Variants in MRPS28 observed in about 807,000 individuals in gnomAD.
MRPS28 encodes mitochondrial ribosomal protein S28, also known as small ribosomal subunit protein bS1m.
MRPS28 carries 7 observed loss-of-function variants against 10.8 expected under a neutral mutation model. That is an observed-to-expected ratio of 0.65 (90% confidence interval 0.37 to 1.22). MRPS28 has a LOEUF of 1.22. MRPS28 is among the 50% of genes most tolerant of loss of function. The pLI, the probability that MRPS28 is intolerant of heterozygous loss-of-function variation, is 0.02. For missense variants in MRPS28, 265 were observed against 232.9 expected (o/e 1.14, Z -0.90); for synonymous variants, 121 against 93.3 (o/e 1.30, Z -1.71).
In MRPS28 at chr8:79,983,826, T is replaced by C. The variant is rs529862157; in HGVS notation, c.395+19173A>G. 2.0e-5 allele frequency among the ~76,000 whole-genome samples: 3 copies of C among 152,262 alleles called. No individual in the cohort carries two copies. In the South Asian group the frequency reaches 6.2e-4, roughly 32 times the overall value. ...GTGTACCTGAAAGTGACGGGGAGAATGGAACCAAGTTGGAAAACACTCTGC... is the reference window on the plus strand; with the variant it reads ...GTGTACCTGAAAGTGACGGGGAGAACGGAACCAAGTTGGAAAACACTCTGC... On this transcript the variant is annotated intron_variant, in intron 2 of 2. Transcript: ENST00000276585.
At chr8:79,930,269 G>A (rs1370480171) in intron 2 of MRPS28, among the ~76,000 whole-genome samples, 2 of 152,104 alleles carry the variant, frequency 1.3e-5, no homozygotes, top group African/African-American at 4.8e-5. Context: ...CACTTCCCTA[G>A]GTAGGCAAGT....
chr8:79,971,008 T>C (rs913615408), intron 2 of MRPS28, among the ~76,000 whole-genome samples: 6 of 152,170 alleles, frequency 3.9e-5, no homozygotes, highest in Non-Finnish European at 1.5e-5. Flanking sequence ...AAACAAACAA[T>C]GGACTTTCCT....
chr8:79,986,915 G>GA (rs1228044294), intron 2 of MRPS28, among the ~76,000 whole-genome samples: 4 of 152,034 alleles, frequency 2.6e-5, no homozygotes, highest in Non-Finnish European at 5.9e-5. Flanking sequence ...CACAGAATTG[G>GA]AAAAAACTAC....
chr8:79,925,329 T>C (rs1043929268), intron 2 of MRPS28, among the ~76,000 whole-genome samples: 13 of 152,102 alleles, frequency 8.5e-5, no homozygotes, highest in Admixed American at 6.5e-5. Flanking sequence ...AACTGGCCCG[T>C]TGGAAATCTA....
At chr8:79,947,319 C>A (rs141196656) in intron 2 of MRPS28, among the ~76,000 whole-genome samples, 6 of 152,306 alleles carry the variant, frequency 3.9e-5, no homozygotes, top group Non-Finnish European at 8.8e-5. Flanking sequence ...CAATACCATA[C>A]TGTATTGTTA....
intron 2 of MRPS28, among the ~76,000 whole-genome samples, chr8:79,933,248 G>A (rs533270170): frequency 2.9e-4 from 44 of 152,310 alleles, no homozygotes; most frequent in African/African-American, 1.1e-3. Context: ...TTCAATTTCT[G>A]GTGAAGGCTC....
At chr8:80,029,897 C>T (rs895144650) in intron 1 of MRPS28, 139 bp downstream of exon 1, 16 of 1,536,072 alleles carry the variant, frequency 1.0e-5, no homozygotes, top group Non-Finnish European at 1.4e-5. Flanking sequence ...GGCTGAGCCA[C>T]AACGCACCGC....
At chr8:80,006,031 T>G (rs948497060) in intron 1 of MRPS28, among the ~76,000 whole-genome samples, 7 of 152,116 alleles carry the variant, frequency 4.6e-5, no homozygotes, top group African/African-American at 1.4e-4. Context: ...CACATAATAA[T>G]AATGGGAGAC....
chr8:79,929,844 C>A (rs1266321599), intron 2 of MRPS28, among the ~76,000 whole-genome samples: 2 of 152,020 alleles, frequency 1.3e-5, no homozygotes, highest in Admixed American at 1.3e-4. Flanking sequence ...CAAGATCCTT[C>A]CATTTCTAAA....
At chr8:79,995,481 G>T (rs1808476345) in intron 2 of MRPS28, among the ~76,000 whole-genome samples, 2 of 152,090 alleles carry the variant, frequency 1.3e-5, no homozygotes, top group South Asian at 4.1e-4. Context: ...TTTTGCTACT[G>T]CCCCTACTGG....
intron 2 of MRPS28, among the ~76,000 whole-genome samples, chr8:79,993,241 G>C (rs1324454624): frequency 6.6e-6 from 1 of 152,150 alleles, no homozygotes; most frequent in Non-Finnish European, 1.5e-5. Flanking sequence ...TTAATTGCTT[G>C]CATTCCTTAA....
chr8:79,958,536 A>AG (rs1807287756), intron 2 of MRPS28: 1 of 573,824 alleles, frequency 1.7e-6, no homozygotes, highest in Non-Finnish European at 3.1e-6. Flanking sequence ...ATTTTTTAAA[A>AG]GGCATTTATT....
At chr8:79,998,054 CAA>C (rs35716562) in intron 2 of MRPS28, among the ~76,000 whole-genome samples, 9 of 131,026 alleles carry the variant, frequency 6.9e-5, no homozygotes, top group Non-Finnish European at 4.8e-5. Flanking sequence ...GACTCTGTCT[CAA>C]AAAAAAAAAA....
chr8:80,026,474 C>T (rs905866668), intron 1 of MRPS28, among the ~76,000 whole-genome samples: 1 of 152,214 alleles, frequency 6.6e-6, no homozygotes, highest in Non-Finnish European at 1.5e-5. Context: ...AATTCAACGA[C>T]AGGCCAGGTA....
chr8:80,006,711 A>G (rs1808858401), intron 1 of MRPS28, among the ~76,000 whole-genome samples: 1 of 152,240 alleles, frequency 6.6e-6, no homozygotes, highest in Non-Finnish European at 1.5e-5. Flanking sequence ...CCCTCCCAAG[A>G]CTAAACCAGG....
chr8:80,028,801 A>C (rs909919552), intron 1 of MRPS28: 5 of 150,526 alleles, frequency 3.3e-5, no homozygotes, highest in Admixed American at 2.7e-4. Context: ...CCATCTCTAC[A>C]AAAAAAAACA....
At chr8:79,940,442 A>C (rs1806736012) in intron 2 of MRPS28, among the ~76,000 whole-genome samples, 1 of 152,250 alleles carries the variant, frequency 6.6e-6, no homozygotes, top group African/African-American at 2.4e-5. Context: ...TGATTTTTAA[A>C]AGTTTCTCTT....
chr8:79,971,717 A>G (rs374242786), intron 2 of MRPS28, among the ~76,000 whole-genome samples: 4 of 151,894 alleles, frequency 2.6e-5, no homozygotes, highest in East Asian at 1.9e-4. Context: ...TTCTTTTTTG[A>G]AATGAAGTTT....
At chr8:79,929,453 A>T (rs1806400218) in intron 2 of MRPS28, among the ~76,000 whole-genome samples, 1 of 152,190 alleles carries the variant, frequency 6.6e-6, no homozygotes, top group Non-Finnish European at 1.5e-5. Flanking sequence ...GGACGCTGAA[A>T]GAATACTGTA....
Sources: allele counts gnomAD v4.1 joint callset (sites outside exome capture counted in the v4.1 genomes callset), GRCh38; gene constraint gnomAD v4.1.1; transcripts MANE v1.5; gene names NCBI Gene and HGNC (gene_info 2026-07-23, HGNC 2026-07-21).